The following CNTN5 variants were observed in gnomAD, a reference collection of about 807,000 sequenced individuals.
CNTN5 encodes contactin 5.
A neutral mutation model predicts 129.1 loss-of-function variants in CNTN5; 77 were observed. The ratio of observed to expected loss-of-function variants is 0.60; its 90% CI spans 0.50 to 0.72. CNTN5 has a LOEUF of 0.72. Among genes scored for constraint, CNTN5 ranks in the 30% least tolerant of loss-of-function variants. The pLI, the probability that CNTN5 is intolerant of heterozygous loss-of-function variation, is 0.00. For missense variants in CNTN5, 1,478 were observed against 1,328.8 expected (o/e 1.11, Z -1.75); for synonymous variants, 509 against 465.6 (o/e 1.09, Z -1.20).
chr11:99,325,078 G>C (rs571486738), intron 1 of CNTN5, among the ~76,000 whole-genome samples: 2 of 152,082 alleles, frequency 1.3e-5, no homozygotes, highest in East Asian at 3.9e-4. Context: ...AATATTCTAA[G>C]CTATTGTAGC....
intron 13 of CNTN5, among the ~76,000 whole-genome samples, chr11:100,090,699 A>G (rs944034438): frequency 3.4e-4 from 52 of 151,496 alleles, no homozygotes; most frequent in Non-Finnish European, 6.9e-4. Context: ...AGACAGTGCC[A>G]TTTCACTGTG....
chr11:99,474,353 T>C (rs1945288752), intron 2 of CNTN5, among the ~76,000 whole-genome samples: 1 of 152,080 alleles, frequency 6.6e-6, no homozygotes, highest in Non-Finnish European at 1.5e-5. Context: ...TGATTTGAAA[T>C]CCTAACTTTA....
At chr11:99,849,181 C>T (rs988582574) in intron 6 of CNTN5, among the ~76,000 whole-genome samples, 3 of 151,336 alleles carry the variant, frequency 2.0e-5, no homozygotes, top group Non-Finnish European at 4.4e-5. Context: ...CATATACTAA[C>T]AATTATTATA....
At chr11:100,125,342 T>C (rs937992274) in intron 13 of CNTN5, among the ~76,000 whole-genome samples, 1 of 152,042 alleles carries the variant, frequency 6.6e-6, no homozygotes, top group East Asian at 1.9e-4. Flanking sequence ...CCTCTAGTAA[T>C]CCTCAGTGTC....
At chr11:99,787,572 A>C (rs1365781509) in intron 3 of CNTN5, among the ~76,000 whole-genome samples, 1 of 151,866 alleles carries the variant, frequency 6.6e-6, no homozygotes, top group Non-Finnish European at 1.5e-5. Context: ...CACGAAGCCA[A>C]CTCTTCTAAT....
intron 1 of CNTN5, among the ~76,000 whole-genome samples, chr11:99,042,654 C>T (rs1332577180): frequency 6.6e-6 from 1 of 151,902 alleles, no homozygotes; most frequent in African/African-American, 2.4e-5. Flanking sequence ...GGATTACAGG[C>T]GTGAGCCACC....
At chr11:99,640,616 AC>A (rs1412556019) in intron 3 of CNTN5, among the ~76,000 whole-genome samples, 1 of 152,180 alleles carries the variant, frequency 6.6e-6, no homozygotes, top group African/African-American at 2.4e-5. Context: ...TTTTTAGTGT[AC>A]TTTTCTATGT....
At chr11:99,037,543 C>T (rs148156008) in intron 1 of CNTN5, among the ~76,000 whole-genome samples, 2 of 149,050 alleles carry the variant, frequency 1.3e-5, no homozygotes, top group East Asian at 2.0e-4. Flanking sequence ...AAAATTAATG[C>T]TCTGGGACAT....
intron 20 of CNTN5, 55 bp downstream of exon 20, chr11:100,299,451 T>G: frequency 1.8e-6 from 2 of 1,131,302 alleles, no homozygotes; most frequent in Non-Finnish European, 1.3e-6. Context: ...GTTATACAAA[T>G]AATCAGACAC....
chr11:99,351,502 A>ATT (rs1240881093), intron 2 of CNTN5, among the ~76,000 whole-genome samples: 1 of 152,200 alleles, frequency 6.6e-6, no homozygotes, highest in Non-Finnish European at 1.5e-5. Context: ...TTTCATTTTA[A>ATT]AATCCTTCCT....
intron 13 of CNTN5, among the ~76,000 whole-genome samples, chr11:100,158,510 G>A (rs1320850965): frequency 1.3e-5 from 2 of 151,538 alleles, no homozygotes; most frequent in Non-Finnish European, 2.9e-5. Context: ...AATAAAGCTG[G>A]GAAAAATGCG....
In CNTN5 at chr11:100,299,201, T is replaced by C. The variant is rs1267486078; in HGVS notation, c.2425T>C (p.Tyr809His). The part of the protein sequence containing the change: ...EEFQNGEGFG[Y>H]IVAFRPNGTR... ...GTTTCAGAATGGGGAAGGCTTCGGCTATATTGTGGCTTTCAGACCCAATGG... is the reference window on the plus strand; with the variant it reads ...GTTTCAGAATGGGGAAGGCTTCGGCCATATTGTGGCTTTCAGACCCAATGG... The change falls in exon 20 of 25, where the codon TAT (tyrosine) becomes CAT (histidine). Residue 809 changes from tyrosine (Y) to histidine (H), a missense_variant. Physicochemically the swap from Tyr to His is moderately conservative, Grantham distance 83 (BLOSUM62 2). Coordinates refer to ENST00000524871, the MANE Select transcript of CNTN5 (RefSeq NM_014361.4). 6.2e-7 allele frequency: 1 copy of C among 1,609,512 alleles called. No individual in the cohort carries two copies. Among genetic ancestry groups the C allele is most frequent in the Non-Finnish European group, 8.5e-7 (1 of 1,177,092 alleles).
At chr11:99,996,433 T>A (rs371751116) in intron 8 of CNTN5, among the ~76,000 whole-genome samples, 26 of 152,332 alleles carry the variant, frequency 1.7e-4, no homozygotes, top group African/African-American at 6.0e-4. Flanking sequence ...TCCATCTGTT[T>A]TTTCATTCCA....
chr11:99,592,541 T>G (rs115890467), intron 3 of CNTN5, among the ~76,000 whole-genome samples: 3 of 151,468 alleles, frequency 2.0e-5, no homozygotes, highest in Non-Finnish European at 4.4e-5. Flanking sequence ...CAAGCTGGAG[T>G]TGGGGAAGTG....
chr11:99,313,403 A>G (rs1865200168), intron 1 of CNTN5, among the ~76,000 whole-genome samples: 2 of 152,108 alleles, frequency 1.3e-5, no homozygotes, highest in Non-Finnish European at 1.5e-5. Context: ...AATTTTAAGA[A>G]CAAATGCCCA....
chr11:99,966,527 C>G (rs986866507), intron 8 of CNTN5, among the ~76,000 whole-genome samples: 2 of 152,166 alleles, frequency 1.3e-5, no homozygotes, highest in Non-Finnish European at 1.5e-5. Context: ...CTTTCATCTC[C>G]CATTCCCAGA....
chr11:99,707,465 C>T (rs1448186328), intron 3 of CNTN5, among the ~76,000 whole-genome samples: 1 of 151,708 alleles, frequency 6.6e-6, no homozygotes, highest in Non-Finnish European at 1.5e-5. Context: ...ATAGCCTACA[C>T]ATTTACTTGT....
At chr11:99,794,737 C>T (rs1201010975) in intron 3 of CNTN5, among the ~76,000 whole-genome samples, 7 of 152,146 alleles carry the variant, frequency 4.6e-5, no homozygotes, top group African/African-American at 1.4e-4. Context: ...TTTAACCATG[C>T]TGAATATAGG....
At chr11:100,278,634 T>C (rs1950567776) in intron 18 of CNTN5, among the ~76,000 whole-genome samples, 1 of 152,112 alleles carries the variant, frequency 6.6e-6, no homozygotes, top group African/African-American at 2.4e-5. Context: ...AAAATGCTAC[T>C]GATTTTTGTA....
Sources: allele counts gnomAD v4.1 joint callset (sites outside exome capture counted in the v4.1 genomes callset), GRCh38; gene constraint gnomAD v4.1.1; transcripts MANE v1.5; gene names NCBI Gene and HGNC (gene_info 2026-07-23, HGNC 2026-07-21).